MALL: variants seen among roughly 807,000 people sequenced by gnomAD.
MALL encodes mal, T cell differentiation protein like.
A neutral mutation model predicts 10.3 loss-of-function variants in MALL; 2 were observed. The observed-to-expected ratio is 0.19, with a 90% CI of 0.08 to 0.61. MALL has a LOEUF of 0.61. Ranked by LOEUF, MALL falls within the 20% of genes least tolerant of loss-of-function variation. The probability of loss-of-function intolerance (pLI) is 0.88; values close to 1 mark genes in which losing one functional copy is unlikely to be tolerated. For missense variants in MALL, 39 were observed against 115.2 expected, an observed-to-expected ratio of 0.34 and a Z score of 3.03; for synonymous variants, 27 against 51.8, an observed-to-expected ratio of 0.52 and a Z score of 2.05.
chr2:110,117,091 A>G (rs1678934756), upstream of MALL, among the ~76,000 whole-genome samples: 1 of 152,146 alleles, frequency 6.6e-6, no homozygotes, highest in South Asian at 2.1e-4. Context: ...CCCCCAGTGG[A>G]TCTCAAACCA....
At chr2:110,101,152 G>A (rs1284012828) in intron 1 of MALL, among the ~76,000 whole-genome samples, 2 of 152,140 alleles carry the variant, frequency 1.3e-5, no homozygotes, top group Non-Finnish European at 2.9e-5. Context: ...CATGAAGCCT[G>A]AGCAGCCATC....
intron 1 of MALL, 50 bp downstream of exon 1, chr2:110,115,638 T>A: frequency 9.2e-7 from 1 of 1,085,974 alleles, no homozygotes; most frequent in Non-Finnish European, 1.2e-6. Context: ...CCGAGGCCGG[T>A]CTCCCCCTCC....
At chr2:110,106,119 A>G (rs1678682740) in intron 1 of MALL, among the ~76,000 whole-genome samples, 1 of 152,178 alleles carries the variant, frequency 6.6e-6, no homozygotes, top group Non-Finnish European at 1.5e-5. Context: ...AACCTCTAGA[A>G]ATCTTAGCTG....
Position 110,098,398 on chromosome 2 carries a change from A to G in MALL, c.106-6628T>C, listed in dbSNP as rs148586838. Among the ~76,000 whole-genome samples the G allele has an allele frequency of 6.4e-3, 980 of 152,046 alleles. 9 individuals are homozygous for G. Among genetic ancestry groups the G allele is most frequent in the African/African-American group, 0.023 (945 of 41,446 alleles). On this transcript the variant is annotated intron_variant, in intron 1 of 3. Transcript: ENST00000272462. ...CAACTCCCCACTCTTCCCTCCCCGC[A>G]GTCCCTGGCAACCACCATTCTACTT...
At chr2:110,095,987 G>A (rs1426998907) in intron 1 of MALL, among the ~76,000 whole-genome samples, 3 of 152,168 alleles carry the variant, frequency 2.0e-5, no homozygotes, top group Non-Finnish European at 4.4e-5. Flanking sequence ...AAACTTATTT[G>A]GTCACTTTTG....
At chr2:110,112,538 C>A (rs1342337363) in intron 1 of MALL, among the ~76,000 whole-genome samples, 2 of 151,958 alleles carry the variant, frequency 1.3e-5, no homozygotes, top group African/African-American at 2.4e-5. Flanking sequence ...TGTGAAACCA[C>A]CTTACTCCTG....
At chr2:110,100,780 T>G (rs1300038707) in intron 1 of MALL, among the ~76,000 whole-genome samples, 2 of 151,766 alleles carry the variant, frequency 1.3e-5, no homozygotes, top group Non-Finnish European at 2.9e-5. Flanking sequence ...AGGAGCCCCA[T>G]CCCAGGGCCT....
At chr2:110,101,090 G>A (rs1678554791) in intron 1 of MALL, among the ~76,000 whole-genome samples, 1 of 152,108 alleles carries the variant, frequency 6.6e-6, no homozygotes, top group Non-Finnish European at 1.5e-5. Flanking sequence ...CCTGGGTGCT[G>A]CTTATAGCCC....
At chr2:110,112,147 C>G (rs1235892222) in intron 1 of MALL, among the ~76,000 whole-genome samples, 1 of 152,106 alleles carries the variant, frequency 6.6e-6, no homozygotes, top group Non-Finnish European at 1.5e-5. Context: ...ATAACATTGG[C>G]AAAACCCTTC....
At chr2:110,104,996 T>G (rs1473320315) in intron 1 of MALL, among the ~76,000 whole-genome samples, 2 of 152,242 alleles carry the variant, frequency 1.3e-5, no homozygotes, top group African/African-American at 4.8e-5. Flanking sequence ...GCTGGCATTA[T>G]GGAGCACTCA....
intron 1 of MALL, among the ~76,000 whole-genome samples, chr2:110,111,782 C>T (rs1678807716): frequency 6.6e-6 from 1 of 152,060 alleles, no homozygotes; most frequent in Admixed American, 6.6e-5. Context: ...CAAAGCAAGA[C>T]TAAGCAAAAA....
intron 1 of MALL, among the ~76,000 whole-genome samples, chr2:110,095,053 T>C (rs1678412919): frequency 6.8e-6 from 1 of 147,488 alleles, no homozygotes; most frequent in South Asian, 2.3e-4. Flanking sequence ...TCCACACCCC[T>C]CTACCTCCTA....
intron 1 of MALL, among the ~76,000 whole-genome samples, chr2:110,101,241 G>T (rs1296158919): frequency 6.6e-6 from 1 of 152,168 alleles, no homozygotes; most frequent in Admixed American, 6.5e-5. Context: ...CCCAGTAGGG[G>T]TGTGGCAGGT....
At chr2:110,115,634 C>T in intron 1 of MALL, 54 bp downstream of exon 1, 1 of 1,057,536 alleles carries the variant, frequency 9.5e-7, no homozygotes, top group Non-Finnish European at 1.2e-6. Context: ...GGGTCCGAGG[C>T]CGGTCTCCCC....
At chr2:110,104,277 C>T (rs148535961) in intron 1 of MALL, among the ~76,000 whole-genome samples, 2,614 of 152,222 alleles carry the variant, frequency 0.017, 58 homozygotes, top group South Asian at 0.088. Context: ...TTCTGTTCAT[C>T]GAGCCTTCCA....
chr2:110,095,574 A>G (rs1423290303), intron 1 of MALL, among the ~76,000 whole-genome samples: 1 of 152,134 alleles, frequency 6.6e-6, no homozygotes, highest in Non-Finnish European at 1.5e-5. Flanking sequence ...ATATAATAAA[A>G]TAAAATTTCC....
intron 1 of MALL, among the ~76,000 whole-genome samples, chr2:110,112,397 A>G (rs1309603711): frequency 6.6e-6 from 1 of 152,156 alleles, no homozygotes; most frequent in Admixed American, 6.5e-5. Flanking sequence ...GAAAAAAACA[A>G]ACAATCCCAT....
At chr2:110,115,016 C>T (rs1462880388) in intron 1 of MALL, among the ~76,000 whole-genome samples, 4 of 152,042 alleles carry the variant, frequency 2.6e-5, no homozygotes, top group African/African-American at 4.8e-5. Context: ...ACGACTCAGT[C>T]GTAGGGCGCC....
intron 1 of MALL, among the ~76,000 whole-genome samples, chr2:110,114,389 T>C (rs1345726123): frequency 6.6e-6 from 1 of 151,950 alleles, no homozygotes; most frequent in Non-Finnish European, 1.5e-5. Flanking sequence ...AGGACTGACA[T>C]GAACCACAGG....
Sources: gnomAD v4.1 joint callset for allele counts (sites outside exome capture counted in the v4.1 genomes callset) on GRCh38, gnomAD v4.1.1 for gene constraint, MANE v1.5 for transcripts, NCBI Gene and HGNC (gene_info 2026-07-23, HGNC 2026-07-21) for gene names.